Variants in JPH2 observed in about 807,000 individuals in gnomAD.
JPH2 encodes the protein junctophilin-2.
Under a neutral mutation model 55.9 loss-of-function variants are expected in JPH2, and 38 were observed. The observed-to-expected ratio is 0.68, with a 90% CI of 0.52 to 0.89. JPH2 has a LOEUF of 0.89. Ranked by LOEUF, JPH2 falls within the 40% of genes least tolerant of loss-of-function variation. The pLI, the probability that JPH2 is intolerant of heterozygous loss-of-function variation, is 0.00. For missense variants in JPH2, 964 were observed against 1,037.6 expected, an observed-to-expected ratio of 0.93 and a Z score of 0.97; for synonymous variants, 480 against 472.4, an observed-to-expected ratio of 1.02 and a Z score of -0.21.
intron 1 of JPH2, among the ~76,000 whole-genome samples, chr20:44,163,265 T>C (rs2072628662): frequency 6.6e-6 from 1 of 152,162 alleles, no homozygotes; most frequent in African/African-American, 2.4e-5. Flanking sequence ...TTCCATCTCA[T>C]TGGGTGACCT....
rs964166503 is a variant in JPH2 at position 44,116,040 on chromosome 20, G to C, written c.1635C>G (p.Ile545Met). The C allele has an allele frequency of 6.4e-7, 1 of 1,573,194 alleles. No homozygotes were observed. The highest frequency in any genetic ancestry group is 1.8e-5 in the Admixed American group (1 of 56,832). ...GCGCAGGCGGTGCCTGCAGAGCCTC[G>C]ATGGCCATGCGCTCGGTGGCTGGAC... ...PARPATERMA[I>M]EALQAPPAPS... The change falls in exon 4 of 6, where the codon ATC (isoleucine) becomes ATG (methionine). Residue 545 changes from isoleucine to methionine, a missense_variant. Coordinates refer to ENST00000372980, the MANE Select transcript of JPH2 (RefSeq NM_020433.5).
intron 1 of JPH2, chr20:44,177,607 T>C (rs1416918727): frequency 8.5e-7 from 1 of 1,173,650 alleles, no homozygotes; most frequent in Non-Finnish European, 1.1e-6. Flanking sequence ...CGCTGATGCC[T>C]GGCTGTGAAC....
rs1339779323 is a variant in JPH2 at position 44,159,843 on chromosome 20, T to C, written c.944A>G (p.Glu315Gly). Residue 315 changes from glutamate to glycine, a missense_variant, in exon 2 of 6, where the codon GAG becomes GGG. Coordinates refer to ENST00000372980, the MANE Select transcript of JPH2 (RefSeq NM_020433.5). The surrounding 1 kb of genome is among the most constrained non-coding windows in gnomAD (Gnocchi z 5.7). ...VSERSSGLRY[E>G]GEWLDNLRHG... ...GCGCAGGTTGTCCAGCCACTCGCCC[T>C]CGTAGCGGAGGCCACTGGAGCGTTC... 2 of 1,613,494 alleles carry C rather than the reference T, an allele frequency of 1.2e-6. No individual in the cohort carries two copies. Among genetic ancestry groups the C allele is most frequent in the Admixed American group, 3.3e-5 (2 of 59,998 alleles).
intron 2 of JPH2, among the ~76,000 whole-genome samples, chr20:44,147,900 T>G (rs942887615): frequency 6.6e-6 from 1 of 152,182 alleles, no homozygotes; most frequent in Non-Finnish European, 1.5e-5. Flanking sequence ...TGGTGGCTCA[T>G]GCCTGTAATT....
intron 2 of JPH2, among the ~76,000 whole-genome samples, chr20:44,127,353 T>C (rs1159821173): frequency 6.6e-6 from 1 of 152,182 alleles, no homozygotes; most frequent in Non-Finnish European, 1.5e-5. Flanking sequence ...CTGTGGTAAC[T>C]CTATGTTTAA....
At chr20:44,179,911 T>C (rs1014015020) in intron 1 of JPH2, among the ~76,000 whole-genome samples, 1 of 152,218 alleles carries the variant, frequency 6.6e-6, no homozygotes, top group African/African-American at 2.4e-5. Context: ...CATGAGGTTG[T>C]TGTGTGAAGG....
At chr20:44,124,668 A>G (rs1235305201) in intron 2 of JPH2, among the ~76,000 whole-genome samples, 1 of 151,902 alleles carries the variant, frequency 6.6e-6, no homozygotes, top group Non-Finnish European at 1.5e-5. Context: ...AAAAAAGTAA[A>G]AAAGAAAGAA....
Position 44,186,646 on chromosome 20 carries a change from C to T in JPH2, c.60G>A (p.Gly20=). 1 of 1,608,550 alleles carries T rather than the reference C, an allele frequency of 6.2e-7. No homozygotes were observed. Among genetic ancestry groups the T allele is most frequent in the African/African-American group, 1.3e-5 (1 of 75,028 alleles). Residue 20 remains glycine (G), a synonymous_variant, in exon 1 of 6, where the codon GGG becomes GGA. Coordinates refer to ENST00000372980, the MANE Select transcript of JPH2 (RefSeq NM_020433.5). ...ACAGTCCATGCCCATGGGCCTTTCC[C>T]CCCTCCCAGCCCCCGCAGTACGCCC... ...DGGAYCGGWE[G]GKAHGHGLCT... is the part of the protein sequence containing the mutation.
At chr20:44,164,348 T>C (rs1312302042) in intron 1 of JPH2, among the ~76,000 whole-genome samples, 1 of 152,212 alleles carries the variant, frequency 6.6e-6, no homozygotes, top group Non-Finnish European at 1.5e-5. Context: ...CTGGGGAACC[T>C]TGGGCAAGTT....
intron 5 of JPH2, among the ~76,000 whole-genome samples, chr20:44,114,386 C>T (rs1398167235): frequency 1.3e-5 from 2 of 152,118 alleles, no homozygotes; most frequent in African/African-American, 2.4e-5. Context: ...CTGTAATGAG[C>T]TCTAAGTTCA....
intron 1 of JPH2, among the ~76,000 whole-genome samples, chr20:44,181,019 T>C (rs1159412625): frequency 2.0e-5 from 3 of 151,796 alleles, no homozygotes; most frequent in East Asian, 1.9e-4. Flanking sequence ...TTGCTATATA[T>C]GGCCAGGGGA....
At chr20:44,119,405 T>A (rs1295777905) in intron 2 of JPH2, among the ~76,000 whole-genome samples, 2 of 152,196 alleles carry the variant, frequency 1.3e-5, no homozygotes, top group Non-Finnish European at 2.9e-5. Flanking sequence ...TTGGAGTTAA[T>A]AAAAATACAG....
intron 3 of JPH2, 105 bp from the exon 4 acceptor site, chr20:44,116,491 C>T (rs2072194153): frequency 2.2e-6 from 3 of 1,335,520 alleles, no homozygotes; most frequent in Non-Finnish European, 2.1e-6. Flanking sequence ...GCTCAGTCGG[C>T]ACTCACATAG....
intron 4 of JPH2, 92 bp from the exon 5 acceptor site, chr20:44,114,968 T>A: frequency 1.0e-6 from 1 of 954,368 alleles, no homozygotes; most frequent in Non-Finnish European, 1.7e-6. Flanking sequence ...AGCAGGAACT[T>A]CTGGATGGAC....
At position 44,160,756 on chromosome 20, in the gene JPH2, C is replaced by T. The variant is rs2072604823; in HGVS notation, c.380-349G>A. On this transcript the variant is annotated intron_variant, in intron 1 of 5. Transcript: ENST00000372980. This position sits in a 1 kb window ranked among gnomAD's most constrained non-coding sequence, Gnocchi z 4.9. ...TGTGCAAGATCGTGCGTACAAGACA[C>T]TTGTGGGCGTGCATATCGGTGTCTT... 2.0e-5 allele frequency among the ~76,000 whole-genome samples: 3 copies of T among 152,162 alleles called. No individual in the cohort carries two copies. The highest frequency in any genetic ancestry group is 2.1e-4 in the South Asian group (1 of 4,824).
chr20:44,149,423 CT>C (rs1435672045), intron 2 of JPH2, among the ~76,000 whole-genome samples: 1 of 152,246 alleles, frequency 6.6e-6, no homozygotes, highest in African/African-American at 2.4e-5. Flanking sequence ...TATATGATTT[CT>C]CCGCCTGCAT....
chr20:44,113,578 C>G (rs1011609821), intron 5 of JPH2, 75 bp from the exon 6 acceptor site: 1 of 152,400 alleles, frequency 6.6e-6, no homozygotes, highest in African/African-American at 2.4e-5. Context: ...GTGCAGGGCT[C>G]AAGCCTTGGG....
chr20:44,147,602 T>C (rs532109194), intron 2 of JPH2, among the ~76,000 whole-genome samples: 2 of 152,294 alleles, frequency 1.3e-5, no homozygotes, highest in South Asian at 4.1e-4. Flanking sequence ...ACTTCAGAGG[T>C]GCAACCCGGG....
chr20:44,134,887 TTA>T (rs1262557217), intron 2 of JPH2, among the ~76,000 whole-genome samples: 46,508 of 107,440 alleles, frequency 0.43, 9,766 homozygotes, highest in Admixed American at 0.55. Flanking sequence ...TATATATATA[TTA>T]ATATATATTT....
Sources: allele counts gnomAD v4.1 joint callset (sites outside exome capture counted in the v4.1 genomes callset), GRCh38; gene constraint gnomAD v4.1.1; non-coding constraint Gnocchi (gnomAD v3.1); transcripts MANE v1.5; gene names NCBI Gene and HGNC (gene_info 2026-07-23, HGNC 2026-07-21).